Variants in KMT2C observed in about 807,000 individuals in gnomAD.
KMT2C encodes histone-lysine N-methyltransferase 2C.
A neutral mutation model predicts 507.9 loss-of-function variants in KMT2C; 88 were observed. The observed-to-expected ratio is 0.17, with a 90% CI of 0.15 to 0.21. The LOEUF is 0.21. Ranked by LOEUF, KMT2C falls within the 10% of genes least tolerant of loss-of-function variation. The probability of loss-of-function intolerance (pLI) is 1.00; values close to 1 mark genes in which losing one functional copy is unlikely to be tolerated. For synonymous variants in KMT2C, 2,049 were observed against 2,080.8 expected (o/e 0.98, Z 0.42); for missense variants, 4,954 against 5,957.8 (o/e 0.83, Z 5.55).
At chr7:152,244,384 A>T (rs189922688) in intron 14 of KMT2C, among the ~76,000 whole-genome samples, 1 of 152,278 alleles carries the variant, frequency 6.6e-6, no homozygotes, top group African/African-American at 2.4e-5. Context: ...ACCTATAAAA[A>T]TGCTGAAAAA....
chr7:152,398,139 T>C (rs28503259), intron 1 of KMT2C, among the ~76,000 whole-genome samples: 1,837 of 152,332 alleles, frequency 0.012, 40 homozygotes, highest in African/African-American at 0.042. Flanking sequence ...ATTTTCTTCA[T>C]AGCACTTCTC....
At chr7:152,297,057 G>A (rs945292309) in intron 6 of KMT2C, among the ~76,000 whole-genome samples, 1 of 90,694 alleles carries the variant, frequency 1.1e-5, no homozygotes, top group African/African-American at 4.8e-5. Flanking sequence ...AAGAAAGACA[G>A]AGAGAGAGAG....
chr7:152,241,037 C>T (rs887907671), intron 14 of KMT2C, among the ~76,000 whole-genome samples: 1 of 152,350 alleles, frequency 6.6e-6, no homozygotes, highest in East Asian at 1.9e-4. Context: ...CAATGCCTTT[C>T]TCCAACTAAC....
intron 1 of KMT2C, among the ~76,000 whole-genome samples, chr7:152,421,152 C>CA (rs1295807879): frequency 6.6e-6 from 1 of 152,066 alleles, no homozygotes; most frequent in Non-Finnish European, 1.5e-5. Flanking sequence ...TGCTCAACAT[C>CA]ACTTATCATT....
chr7:152,305,979 T>A (rs984843202), intron 6 of KMT2C, among the ~76,000 whole-genome samples: 1 of 152,138 alleles, frequency 6.6e-6, no homozygotes, highest in Non-Finnish European at 1.5e-5. Context: ...GGGATAGAGG[T>A]AGGAAATACA....
chr7:152,155,296 T>C (rs1302832013), intron 46 of KMT2C, among the ~76,000 whole-genome samples: 1 of 152,198 alleles, frequency 6.6e-6, no homozygotes, highest in Non-Finnish European at 1.5e-5. Context: ...AAATGTCTCA[T>C]CAAATAGAGG....
intron 3 of KMT2C, among the ~76,000 whole-genome samples, chr7:152,315,889 G>A (rs552246724): frequency 2.0e-5 from 3 of 152,070 alleles, no homozygotes; most frequent in East Asian, 1.9e-4. Flanking sequence ...CTCCAGCCTG[G>A]GTGACAGAGC....
At chr7:152,305,167 T>C (rs2096604447) in intron 6 of KMT2C, among the ~76,000 whole-genome samples, 1 of 151,996 alleles carries the variant, frequency 6.6e-6, no homozygotes. Flanking sequence ...AAAAACCCCA[T>C]CCGAATGGCA....
At chr7:152,296,616 A>C (rs2096499075) in intron 6 of KMT2C, among the ~76,000 whole-genome samples, 1 of 152,038 alleles carries the variant, frequency 6.6e-6, no homozygotes, top group African/African-American at 2.4e-5. Flanking sequence ...TCATGAGAGG[A>C]ACTGGATCAA....
chr7:152,151,233 C>T (rs3757421), intron 50 of KMT2C, among the ~76,000 whole-genome samples: 17,075 of 152,126 alleles, frequency 0.11, 2,190 homozygotes, highest in African/African-American at 0.31. Flanking sequence ...TTTAAAAATA[C>T]GTAGTCCTCA....
chr7:152,176,536 C>T lies in KMT2C; in HGVS notation c.8917G>A (p.Val2973Met), dbSNP rs1375932605. Residue 2973 changes from valine to methionine, a missense_variant, in exon 38 of 59, where the codon GTG (valine) becomes ATG (methionine). This residue lies in a region of KMT2C where 1,689 missense variants were observed against 1,654.3 expected (regional missense o/e 1.02). Transcript: ENST00000262189. ...RVLDNAMNSN[V>M]TVVSRVNHVF... The stretch of plus-strand genomic sequence containing the variant: ...TGGTTTACCCTAGAGACTACTGTCA[C>T]ATTAGAATTCATGGCATTATCCAAA... The T allele has an allele frequency of 3.7e-6, 6 of 1,614,152 alleles. No individual in the cohort carries two copies. In the East Asian group the frequency reaches 1.1e-4, roughly 30 times the overall value.
rs1314674113 is a variant in KMT2C, at chr7:152,194,002, A to G, written c.4660+7T>C. The G allele has an allele frequency of 6.5e-7, 1 of 1,540,672 alleles. No individual in the cohort carries two copies. Among genetic ancestry groups the G allele is most frequent in the Non-Finnish European group, 8.7e-7 (1 of 1,152,794 alleles). ...ATATAATGTAGAATTATAAAGTCAT[A>G]ACATACCCTGATTGTGTATTGGCAA... On this transcript the variant is annotated splice_region_variant and intron_variant, in intron 31 of 58. Transcript: ENST00000262189.
Position 152,360,339 on chromosome 7 carries a change from G to A in KMT2C, c.162-1664C>T, listed in dbSNP as rs143803250. On this transcript the variant is annotated intron_variant, in intron 1 of 58. Coordinates refer to ENST00000262189, the MANE Select transcript of KMT2C (RefSeq NM_170606.3). Reference sequence around the variant, plus strand: ...CTAAAAATACAAAAATTAGCTGGACGTGTTGATGCACATCTGTAATCCCAG... The same window carrying A: ...CTAAAAATACAAAAATTAGCTGGACATGTTGATGCACATCTGTAATCCCAG... 6.1e-3 allele frequency among the ~76,000 whole-genome samples: 928 copies of A among 151,636 alleles called. 15 individuals are homozygous for A. Among genetic ancestry groups the A allele is most frequent in the East Asian group, 0.034 (175 of 5,094 alleles).
chr7:152,277,755 T>A (rs2096111390), intron 6 of KMT2C, among the ~76,000 whole-genome samples: 1 of 152,056 alleles, frequency 6.6e-6, no homozygotes, highest in East Asian at 1.9e-4. Flanking sequence ...CAATACTGAA[T>A]TAAAAAGAAA....
chr7:152,416,987 T>G (rs2097744528), intron 1 of KMT2C, among the ~76,000 whole-genome samples: 1 of 143,432 alleles, frequency 7.0e-6, no homozygotes, highest in Admixed American at 7.3e-5. Flanking sequence ...AGGCAGAGGT[T>G]GTGGAGAGCC....
At chr7:152,384,931 C>G (rs1460881783) in intron 1 of KMT2C, among the ~76,000 whole-genome samples, 1 of 152,288 alleles carries the variant, frequency 6.6e-6, no homozygotes, top group Admixed American at 6.5e-5. Context: ...AGAACATTAT[C>G]ATTTTACAAC....
intron 3 of KMT2C, among the ~76,000 whole-genome samples, chr7:152,327,630 A>C (rs2096840965): frequency 6.6e-6 from 1 of 152,202 alleles, no homozygotes; most frequent in Non-Finnish European, 1.5e-5. Flanking sequence ...CAGAACTTTA[A>C]ATGCTTTTCA....
At chr7:152,275,474 A>G (rs1455296691) in intron 6 of KMT2C, among the ~76,000 whole-genome samples, 2 of 152,206 alleles carry the variant, frequency 1.3e-5, no homozygotes, top group Admixed American at 1.3e-4. Flanking sequence ...AATAACTCAT[A>G]AACAGTAATT....
intron 6 of KMT2C, among the ~76,000 whole-genome samples, chr7:152,284,003 T>A (rs2096259332): frequency 6.6e-6 from 1 of 152,156 alleles, no homozygotes; most frequent in African/African-American, 2.4e-5. Flanking sequence ...TCTACTAGCT[T>A]TAACTATTTA....
Sources: allele counts gnomAD v4.1 joint callset (sites outside exome capture counted in the v4.1 genomes callset), GRCh38; gene constraint gnomAD v4.1.1; regional missense constraint gnomAD v4.1.1; transcripts MANE v1.5; gene names NCBI Gene and HGNC (gene_info 2026-07-23, HGNC 2026-07-21).